Variants in FHIT observed in about 807,000 individuals in gnomAD.
FHIT encodes bis(5'-adenosyl)-triphosphatase.
A neutral mutation model predicts 17.9 loss-of-function variants in FHIT; 19 were observed. That is an observed-to-expected ratio of 1.06 (90% CI 0.74 to 1.56). The LOEUF (loss-of-function observed/expected upper bound fraction) is 1.56. Ranked by LOEUF, FHIT falls within the 40% of genes most tolerant of loss-of-function variation. The pLI is 0.00. For synonymous variants in FHIT, 81 were observed against 69.7 expected, an observed-to-expected ratio of 1.16 and a Z score of -0.81; for missense variants, 248 against 189.2, an observed-to-expected ratio of 1.31 and a Z score of -1.82.
intron 4 of FHIT, among the ~76,000 whole-genome samples, chr3:60,675,052 C>G (rs1553694899): frequency 6.6e-6 from 1 of 152,232 alleles, no homozygotes; most frequent in African/African-American, 2.4e-5. Context: ...GAATGCACCC[C>G]TAGGCAGAAA....
intron 5 of FHIT, among the ~76,000 whole-genome samples, chr3:60,237,040 AC>A (rs1179908004): frequency 1.3e-5 from 2 of 152,182 alleles, no homozygotes; most frequent in East Asian, 1.9e-4. Context: ...CTTTGGATAT[AC>A]CAACATTTAT....
At chr3:60,142,634 T>C (rs922282367) in intron 5 of FHIT, among the ~76,000 whole-genome samples, 15 of 151,980 alleles carry the variant, frequency 9.9e-5, no homozygotes, top group African/African-American at 3.4e-4. Flanking sequence ...CCCAAGTAGC[T>C]GGGACTATAG....
At chr3:60,801,663 A>T (rs1553732336) in intron 4 of FHIT, among the ~76,000 whole-genome samples, 2 of 152,184 alleles carry the variant, frequency 1.3e-5, no homozygotes. Context: ...TAACTTATTA[A>T]TCTTATGACA....
At chr3:59,888,113 C>G (rs1242694801) in intron 8 of FHIT, among the ~76,000 whole-genome samples, 1 of 152,078 alleles carries the variant, frequency 6.6e-6, no homozygotes, top group Non-Finnish European at 1.5e-5. Flanking sequence ...ATTCTGTTGC[C>G]ATCGGGGCAC....
intron 8 of FHIT, among the ~76,000 whole-genome samples, chr3:59,917,372 G>A (rs1293043704): frequency 1.3e-5 from 2 of 152,314 alleles, no homozygotes; most frequent in East Asian, 3.9e-4. Context: ...GTCCAATACA[G>A]TTATGAGAGT....
chr3:60,791,711 G>T (rs111549860), intron 4 of FHIT, among the ~76,000 whole-genome samples: 44 of 152,252 alleles, frequency 2.9e-4, no homozygotes, highest in Middle Eastern at 3.4e-3. Context: ...ATAGATTTCA[G>T]GTCTTCTGTC....
At chr3:59,910,054 T>C (rs1704793798) in intron 8 of FHIT, among the ~76,000 whole-genome samples, 2 of 152,222 alleles carry the variant, frequency 1.3e-5, no homozygotes, top group South Asian at 4.1e-4. Flanking sequence ...AAGCTTATTT[T>C]GCCAAGGCTG....
At chr3:60,288,436 A>G (rs1576426324) in intron 5 of FHIT, among the ~76,000 whole-genome samples, 1 of 152,308 alleles carries the variant, frequency 6.6e-6, no homozygotes, top group East Asian at 1.9e-4. Context: ...AATGAGAATA[A>G]TAATGACTTC....
chr3:60,989,132 A>ATGAC (rs1375890548), intron 3 of FHIT, among the ~76,000 whole-genome samples: 2 of 152,014 alleles, frequency 1.3e-5, no homozygotes, highest in East Asian at 3.9e-4. Context: ...CCCCATGAAG[A>ATGAC]TGACAACACA....
At chr3:60,123,997 TATATATATATATAGAGAGAGAGAGAG>T (rs1705395560) in intron 5 of FHIT, among the ~76,000 whole-genome samples, 16 of 33,946 alleles carry the variant, frequency 4.7e-4, no homozygotes, top group African/African-American at 1.4e-3. Context: ...TATATATATA[TATATATATATATAGAGAGAGAGAGAG>T]AGAGAGAGAG....
At chr3:59,800,875 A>G (rs2106976150) in intron 8 of FHIT, among the ~76,000 whole-genome samples, 1 of 152,228 alleles carries the variant, frequency 6.6e-6, no homozygotes, top group South Asian at 2.1e-4. Flanking sequence ...GGAAGGGAAG[A>G]AGAAAAGAGG....
chr3:60,257,192 A>G (rs1706042249), intron 5 of FHIT, among the ~76,000 whole-genome samples: 1 of 152,204 alleles, frequency 6.6e-6, no homozygotes, highest in Non-Finnish European at 1.5e-5. Flanking sequence ...TCTTTAACAC[A>G]GGTTCATTTC....
chr3:61,057,434 T>C (rs1257839836), intron 2 of FHIT, among the ~76,000 whole-genome samples: 1 of 152,196 alleles, frequency 6.6e-6, no homozygotes, highest in Admixed American at 6.5e-5. Flanking sequence ...GGCCTTTGTT[T>C]TCCAGAACCA....
At chr3:60,441,373 G>A (rs904370701) in intron 5 of FHIT, among the ~76,000 whole-genome samples, 5 of 151,874 alleles carry the variant, frequency 3.3e-5, no homozygotes, top group Admixed American at 6.6e-5. Context: ...TTATGTTCTC[G>A]GGAAAAAGAG....
intron 4 of FHIT, among the ~76,000 whole-genome samples, chr3:60,803,981 G>A (rs149341268): frequency 1.3e-5 from 2 of 152,292 alleles, no homozygotes; most frequent in Non-Finnish European, 2.9e-5. Flanking sequence ...CCAGGGGCTG[G>A]CATCCAACCA....
intron 7 of FHIT, among the ~76,000 whole-genome samples, chr3:59,928,837 A>T (rs528290405): frequency 6.6e-6 from 1 of 152,050 alleles, no homozygotes; most frequent in Non-Finnish European, 1.5e-5. Flanking sequence ...TCTACTAAAA[A>T]TACAAAAATT....
chr3:60,236,610 G>C (rs1436990991), intron 5 of FHIT, among the ~76,000 whole-genome samples: 3 of 152,038 alleles, frequency 2.0e-5, no homozygotes, highest in African/African-American at 7.2e-5. Flanking sequence ...ATATTTTTTA[G>C]AGACCAGTTG....
intron 2 of FHIT, among the ~76,000 whole-genome samples, chr3:61,112,471 T>G (rs1426333621): frequency 6.6e-6 from 1 of 152,148 alleles, no homozygotes; most frequent in Non-Finnish European, 1.5e-5. Flanking sequence ...ATATTTCCCC[T>G]GACAACACCC....
At chr3:59,900,735 TC>T (rs1704290644) in intron 8 of FHIT, among the ~76,000 whole-genome samples, 1 of 152,160 alleles carries the variant, frequency 6.6e-6, no homozygotes, top group Non-Finnish European at 1.5e-5. Flanking sequence ...TACGTCAGCC[TC>T]CTGAGTAACT....
Sources: allele counts gnomAD v4.1 joint callset (sites outside exome capture counted in the v4.1 genomes callset), GRCh38; gene constraint gnomAD v4.1.1; transcripts MANE v1.5; gene names NCBI Gene and HGNC (gene_info 2026-07-23, HGNC 2026-07-21).